Variants in HACE1 observed in about 807,000 individuals in gnomAD.
The protein encoded by HACE1 is E3 ubiquitin-protein ligase HACE1.
A neutral mutation model predicts 118.4 loss-of-function variants in HACE1; 73 were observed. The ratio of observed to expected loss-of-function variants is 0.62; its 90% CI spans 0.51 to 0.75. The LOEUF is 0.75. HACE1 is among the 30% of genes least tolerant of loss of function. The pLI is 0.00. For missense variants in HACE1, 749 were observed against 1,102.2 expected (o/e 0.68, Z 4.54); for synonymous variants, 368 against 374.8 (o/e 0.98, Z 0.21).
Position 104,785,055 on chromosome 6 carries a change from T to C in HACE1, c.1339A>G (p.Met447Val), listed in dbSNP as rs372956151. The C allele has an allele frequency of 4.3e-6, 7 of 1,613,798 alleles. No homozygotes were observed. The highest frequency in any genetic ancestry group is 2.7e-5 in the African/African-American group (2 of 74,920). The stretch of plus-strand genomic sequence containing the variant: ...ACAGCACTTAGCCGGTTAGCTGTCA[T>C]AGAAATAACATCCTGACAATCTGCA... ...ASADCQDVISMTANRLSAVIQ... is the reference protein window; with the variant it reads ...ASADCQDVISVTANRLSAVIQ... The change falls in exon 12 of 24, where the codon ATG becomes GTG. Residue 447 changes from methionine (M) to valine (V), a missense_variant. Coordinates refer to ENST00000262903, the MANE Select transcript of HACE1 (RefSeq NM_020771.4).
At chr6:104,824,987 G>A (rs977616476) in intron 6 of HACE1, 1 of 151,356 alleles carries the variant, frequency 6.6e-6, no homozygotes, top group Admixed American at 6.6e-5. Flanking sequence ...GGAGGCTGAG[G>A]CAGGAGAATG....
chr6:104,734,273 C>T (rs1323520438), intron 22 of HACE1, among the ~76,000 whole-genome samples: 7 of 151,372 alleles, frequency 4.6e-5, no homozygotes, highest in Admixed American at 4.6e-4. Flanking sequence ...TTAAAAATCA[C>T]TTTTTGTATT....
At chr6:104,847,793 T>C (rs916791412) in intron 4 of HACE1, among the ~76,000 whole-genome samples, 5 of 151,936 alleles carry the variant, frequency 3.3e-5, no homozygotes, top group Non-Finnish European at 7.4e-5. Context: ...ACCGTGTCCA[T>C]AGAGAAGTTT....
intron 5 of HACE1, among the ~76,000 whole-genome samples, chr6:104,835,542 GAAAAGAAATGAGAAA>G (rs74587059): frequency 0.44 from 66,201 of 151,712 alleles, 16,030 homozygotes; most frequent in East Asian, 0.58. Flanking sequence ...AAAGTACAAA[GAAAAGAAATGAGAAA>G]AAGTAGGAAA....
At chr6:104,849,902 G>A (rs1217803090) in intron 3 of HACE1, among the ~76,000 whole-genome samples, 3 of 147,742 alleles carry the variant, frequency 2.0e-5, no homozygotes, top group African/African-American at 2.5e-5. Context: ...CGCCCGCCTC[G>A]GCCTCCCAAA....
Position 104,771,283 on chromosome 6 carries a change from A to C in HACE1, c.2121T>G (p.Thr707=). The C allele has an allele frequency of 6.2e-7, 1 of 1,613,204 alleles. No individual in the cohort carries two copies. Among genetic ancestry groups the C allele is most frequent in the Non-Finnish European group, 8.5e-7 (1 of 1,179,164 alleles). ...NDISDLGLEL[T]FSVETDVFGA... is the part of the protein sequence containing the mutation. The stretch of plus-strand genomic sequence containing the variant: ...CAAACACATCAGTCTCAACAGAAAA[A>C]GTTAGTTCTAGACCCAGATCACTTA... Residue 707 remains threonine, a synonymous_variant, in exon 19 of 24, where the codon ACT becomes ACG. Transcript: ENST00000262903.
chr6:104,729,486 A>C lies in HACE1; in HGVS notation c.*176T>G. ...TATATTTTCTAATTGTATCACAAAC[A>C]GAGAAAACATAAAAGGGAAAAGAGA... On this transcript the variant is annotated 3_prime_UTR_variant, in exon 24 of 24. Transcript: ENST00000262903. 1 of 619,326 alleles carries C rather than the reference A, an allele frequency of 1.6e-6. No homozygotes were observed. The highest frequency in any genetic ancestry group is 2.9e-6 in the Non-Finnish European group (1 of 347,226). 38.4% of individuals were successfully genotyped at this position (619,326 alleles called of 1,614,324 possible).
At chr6:104,827,411 T>A (rs1391687378) in intron 6 of HACE1, among the ~76,000 whole-genome samples, 1 of 152,176 alleles carries the variant, frequency 6.6e-6, no homozygotes, top group Non-Finnish European at 1.5e-5. Context: ...CACTAATCAG[T>A]GACTGGTTTA....
chr6:104,751,407 A>G (rs1778029783), intron 19 of HACE1, among the ~76,000 whole-genome samples: 2 of 152,362 alleles, frequency 1.3e-5, no homozygotes, highest in East Asian at 1.9e-4. Context: ...GGTAATCTAC[A>G]TATTCACCCA....
chr6:104,753,584 C>A (rs925499756), intron 19 of HACE1, among the ~76,000 whole-genome samples: 1 of 152,194 alleles, frequency 6.6e-6, no homozygotes, highest in Admixed American at 6.5e-5. Context: ...TCTGCTGATA[C>A]CTCCAGGTAT....
intron 19 of HACE1, among the ~76,000 whole-genome samples, chr6:104,769,752 A>G (rs1780416982): frequency 6.6e-6 from 1 of 152,154 alleles, no homozygotes. Context: ...GATTAGTGTC[A>G]TTTCATGTAA....
At chr6:104,852,244 C>A in intron 2 of HACE1, 73 bp downstream of exon 2, 1 of 839,590 alleles carries the variant, frequency 1.2e-6, no homozygotes, top group South Asian at 1.3e-5. Flanking sequence ...CGTGCGCGTG[C>A]ACGGGCATGC....
At chr6:104,798,388 T>G (rs908473852) in intron 7 of HACE1, among the ~76,000 whole-genome samples, 1 of 152,140 alleles carries the variant, frequency 6.6e-6, no homozygotes, top group Non-Finnish European at 1.5e-5. Flanking sequence ...CAATTGGAAT[T>G]AAAGTTTTTT....
chr6:104,858,061 CTG>C (rs1776918597), intron 1 of HACE1, among the ~76,000 whole-genome samples: 1 of 151,850 alleles, frequency 6.6e-6, no homozygotes, highest in Non-Finnish European at 1.5e-5. Flanking sequence ...AATGGTAACA[CTG>C]TTTATAACTG....
intron 6 of HACE1, among the ~76,000 whole-genome samples, chr6:104,832,400 T>C (rs1774097903): frequency 6.6e-6 from 1 of 151,862 alleles, no homozygotes; most frequent in Non-Finnish European, 1.5e-5. Context: ...GTTGTTGTTG[T>C]TGTTGTTGTT....
At chr6:104,796,851 A>C in intron 8 of HACE1, 78 bp downstream of exon 8, 1 of 1,112,860 alleles carries the variant, frequency 9.0e-7, no homozygotes, top group Non-Finnish European at 1.4e-6. Flanking sequence ...CTACCCTTTC[A>C]TTGAAAAAAT....
intron 6 of HACE1, among the ~76,000 whole-genome samples, chr6:104,825,623 C>G (rs1322113285): frequency 6.6e-6 from 1 of 152,186 alleles, no homozygotes; most frequent in African/African-American, 2.4e-5. Context: ...ACTTCAGCCT[C>G]TGATTGATTG....
intron 7 of HACE1, among the ~76,000 whole-genome samples, chr6:104,797,519 G>A (rs912947814): frequency 2.0e-5 from 3 of 151,958 alleles, no homozygotes; most frequent in African/African-American, 4.8e-5. Flanking sequence ...AGGAAGGAAG[G>A]AGAAAAGTAA....
intron 2 of HACE1, 82 bp from the exon 3 acceptor site, chr6:104,851,078 GCT>G: frequency 1.2e-6 from 1 of 814,922 alleles, no homozygotes; most frequent in South Asian, 1.3e-5. Context: ...CTCTTTAGCT[GCT>G]CTGTTTGTTT....
Sources: allele counts gnomAD v4.1 joint callset (sites outside exome capture counted in the v4.1 genomes callset), GRCh38; gene constraint gnomAD v4.1.1; transcripts MANE v1.5; gene names NCBI Gene and HGNC (gene_info 2026-07-23, HGNC 2026-07-21).